TNRC6B: variants seen among roughly 807,000 people sequenced by gnomAD.
The protein encoded by TNRC6B is trinucleotide repeat-containing gene 6B protein.
A neutral mutation model predicts 203.6 loss-of-function variants in TNRC6B; 52 were observed. The observed-to-expected ratio is 0.26, with a 90% CI of 0.20 to 0.32. The LOEUF (loss-of-function observed/expected upper bound fraction) is 0.32, where lower values mean the gene tolerates loss of function less well. TNRC6B is among the 10% of genes least tolerant of loss of function. The pLI is 1.00. For synonymous variants in TNRC6B, 838 were observed against 845.7 expected (o/e 0.99, Z 0.16); for missense variants, 1,923 against 2,286.2 (o/e 0.84, Z 3.24).
chr22:40,096,064 A>G (rs1342845937), intron 1 of TNRC6B, among the ~76,000 whole-genome samples: 1 of 152,198 alleles, frequency 6.6e-6, no homozygotes, highest in Non-Finnish European at 1.5e-5. Flanking sequence ...TTAGAAACAT[A>G]TAAACATGAC....
chr22:40,064,434 G>A, intron 1 of TNRC6B, among the ~76,000 whole-genome samples: 1 of 151,258 alleles, frequency 6.6e-6, no homozygotes. Flanking sequence ...TCCTAGTTTT[G>A]GGTGCATTTT....
chr22:40,208,603 A>AG (rs2069517740), intron 1 of TNRC6B, among the ~76,000 whole-genome samples: 1 of 152,204 alleles, frequency 6.6e-6, no homozygotes, highest in South Asian at 2.1e-4. Flanking sequence ...TGCTAAGTTA[A>AG]GGGGAAGTTA....
intron 6 of TNRC6B, among the ~76,000 whole-genome samples, chr22:40,273,150 T>C (rs2070587966): frequency 2.0e-5 from 3 of 152,210 alleles, no homozygotes; most frequent in African/African-American, 7.2e-5. Context: ...TTTTCAGTTT[T>C]GAAATTCCTG....
upstream of TNRC6B, chr22:40,177,905 C>A: frequency 7.5e-7 from 1 of 1,341,166 alleles, no homozygotes; most frequent in Non-Finnish European, 9.5e-7. Context: ...ATTTGAAGGT[C>A]ACAAAAAGCT....
At chr22:40,167,395 AAGT>A (rs1208252820) in intron 4 of TNRC6B, among the ~76,000 whole-genome samples, 2 of 152,104 alleles carry the variant, frequency 1.3e-5, no homozygotes, top group Non-Finnish European at 2.9e-5. Context: ...TAGAGACAGA[AAGT>A]AGAATGGTGG....
intron 1 of TNRC6B, among the ~76,000 whole-genome samples, chr22:40,070,536 CTT>C (rs1205423305): frequency 1.3e-5 from 2 of 151,988 alleles, no homozygotes; most frequent in Non-Finnish European, 2.9e-5. Flanking sequence ...TAAAATAAGA[CTT>C]AATGTTGAAG....
chr22:40,100,051 C>T (rs1405531074), intron 1 of TNRC6B, among the ~76,000 whole-genome samples: 2 of 145,442 alleles, frequency 1.4e-5, no homozygotes, highest in Non-Finnish European at 3.0e-5. Flanking sequence ...GCGCCTGGCC[C>T]CTCCATTTTA....
chr22:40,331,671 CAA>C lies in TNRC6B; in HGVS notation c.*8439_*8440del. On this transcript the variant is annotated 3_prime_UTR_variant, in exon 23 of 23. Transcript: ENST00000454349. Reference sequence around the variant, plus strand: ...TTTTTTTTTTTTTTTTTTTTTTTTTCAAAAAAAAAAGTCCCACATGTGGTCAT... The same window carrying C: ...TTTTTTTTTTTTTTTTTTTTTTTTTCAAAAAAAAGTCCCACATGTGGTCAT... 3 of 109,932 alleles carry C rather than the reference CAA, an allele frequency of 2.7e-5. No individual in the cohort carries two copies. The highest frequency in any genetic ancestry group is 4.7e-5 in the Non-Finnish European group (3 of 63,378). The allele number at this position is 109,932 out of a possible 1,614,324, so 6.8% of individuals were successfully genotyped here. A position where few individuals can be genotyped will look rare whatever the true frequency, so the allele number is the denominator to read the frequency against.
chr22:40,240,728 C>A (rs1011664194), intron 1 of TNRC6B, among the ~76,000 whole-genome samples: 3 of 152,188 alleles, frequency 2.0e-5, no homozygotes, highest in Admixed American at 6.5e-5. Context: ...TGAATGATTT[C>A]TCTTGCCCTT....
chr22:40,137,494 A>C (rs775560808), intron 3 of TNRC6B, among the ~76,000 whole-genome samples: 1 of 152,246 alleles, frequency 6.6e-6, no homozygotes, highest in Admixed American at 6.5e-5. Context: ...TAGGTACAGA[A>C]GAATCCCTAA....
At chr22:40,285,547 C>A in intron 11 of TNRC6B, 98 bp from the exon 12 acceptor site, 2 of 1,402,370 alleles carry the variant, frequency 1.4e-6, no homozygotes, top group Non-Finnish European at 1.9e-6. Flanking sequence ...TCGAACACAG[C>A]CTGTGATTCT....
intron 21 of TNRC6B, among the ~76,000 whole-genome samples, chr22:40,317,837 A>G (rs1045652934): frequency 1.5e-4 from 23 of 152,212 alleles, no homozygotes; most frequent in Non-Finnish European, 1.5e-5. Flanking sequence ...AACCTTTACA[A>G]CACCTTGTTA....
intron 1 of TNRC6B, among the ~76,000 whole-genome samples, chr22:40,094,102 A>C (rs2068169326): frequency 6.6e-6 from 1 of 152,206 alleles, no homozygotes; most frequent in Admixed American, 6.5e-5. Context: ...ATAATAATTA[A>C]AAATAAAAAA....
intron 1 of TNRC6B, among the ~76,000 whole-genome samples, chr22:40,069,006 TA>T (rs1569249420): frequency 6.6e-6 from 1 of 152,186 alleles, no homozygotes; most frequent in African/African-American, 2.4e-5. Context: ...TATGACCACA[TA>T]TTTTTCATGG....
intron 3 of TNRC6B, among the ~76,000 whole-genome samples, chr22:40,260,947 T>A (rs1295418116): frequency 1.3e-5 from 2 of 152,214 alleles, no homozygotes; most frequent in African/African-American, 4.8e-5. Flanking sequence ...GAGAAGTTAC[T>A]TTGTTAGAAT....
At chr22:40,129,409 G>T (rs762815336) in intron 3 of TNRC6B, among the ~76,000 whole-genome samples, 1 of 152,200 alleles carries the variant, frequency 6.6e-6, no homozygotes, top group Non-Finnish European at 1.5e-5. Context: ...GAGAAGGCAC[G>T]TGCAGCTGTT....
At chr22:40,189,790 C>T (rs761872448) in intron 1 of TNRC6B, among the ~76,000 whole-genome samples, 3 of 152,066 alleles carry the variant, frequency 2.0e-5, no homozygotes, top group Admixed American at 6.6e-5. Flanking sequence ...TCCCAGACTT[C>T]GGTTTCAGGG....
At chr22:40,121,266 A>G (rs768551772) in intron 2 of TNRC6B, among the ~76,000 whole-genome samples, 33 of 150,532 alleles carry the variant, frequency 2.2e-4, no homozygotes, top group Admixed American at 4.6e-4. Flanking sequence ...TTCCTTGTAT[A>G]GCCAGAAACC....
At chr22:40,253,121 A>T (rs927906942) in intron 3 of TNRC6B, among the ~76,000 whole-genome samples, 1 of 146,780 alleles carries the variant, frequency 6.8e-6, no homozygotes, top group African/African-American at 2.5e-5. Context: ...TTTTTGAGGC[A>T]GAGTCTCGCT....
Sources: allele counts gnomAD v4.1 joint callset (sites outside exome capture counted in the v4.1 genomes callset), GRCh38; gene constraint gnomAD v4.1.1; transcripts MANE v1.5; gene names NCBI Gene and HGNC (gene_info 2026-07-23, HGNC 2026-07-21).